The following SERGEF variants were observed in gnomAD, a reference collection of about 807,000 sequenced individuals.
SERGEF encodes the protein secretion-regulating guanine nucleotide exchange factor.
SERGEF carries 51 observed loss-of-function variants against 50.0 expected under a neutral mutation model. The observed-to-expected ratio is 1.02, with a 90% CI of 0.81 to 1.29. SERGEF has a LOEUF of 1.29. Ranked by LOEUF, SERGEF falls within the 50% of genes most tolerant of loss-of-function variation. SERGEF has a pLI of 0.00. For synonymous variants in SERGEF, 205 were observed against 212.4 expected (o/e 0.97, Z 0.30); for missense variants, 521 against 557.0 (o/e 0.94, Z 0.65).
intron 1 of SERGEF, among the ~76,000 whole-genome samples, chr11:18,011,485 C>T (rs1248860675): frequency 6.6e-6 from 1 of 152,162 alleles, no homozygotes. Context: ...CCTACTCACA[C>T]CTTGATCTTG....
chr11:17,992,938 T>G lies in SERGEF; in HGVS notation c.678A>C (p.Ser226=). The G allele has an allele frequency of 6.2e-7, 1 of 1,614,004 alleles. No homozygotes were observed. Among genetic ancestry groups the G allele is most frequent in the Non-Finnish European group, 8.5e-7 (1 of 1,179,842 alleles). ...GAAAGAGCTGGTACCTACCTGTTAA[T>G]GAAGCTGAGTGGTCTGAGCCAGCAA... ...CVLAGSDHSA[S]LTDAGEVYVW... is the part of the protein sequence containing the mutation. The change falls in exon 7 of 11, where the codon TCA becomes TCC. Residue 226 remains serine (S), a synonymous_variant. Coordinates refer to ENST00000265965, the MANE Select transcript of SERGEF (RefSeq NM_012139.4).
At chr11:17,999,341 G>A (rs991388532) in intron 5 of SERGEF, among the ~76,000 whole-genome samples, 4 of 152,216 alleles carry the variant, frequency 2.6e-5, no homozygotes, top group African/African-American at 4.8e-5. Flanking sequence ...ACCATTAGGG[G>A]AAACCGGGAG....
At chr11:17,819,839 T>C (rs1441180818) in intron 10 of SERGEF, among the ~76,000 whole-genome samples, 1 of 152,030 alleles carries the variant, frequency 6.6e-6, no homozygotes, top group Non-Finnish European at 1.5e-5. Context: ...CTTTTGCTTT[T>C]TTGTTGTTGT....
At chr11:17,993,768 G>T (rs542682548) in intron 6 of SERGEF, among the ~76,000 whole-genome samples, 15 of 152,290 alleles carry the variant, frequency 9.8e-5, no homozygotes, top group Admixed American at 2.0e-4. Flanking sequence ...ATGTTCACCA[G>T]AGAGGAAGTA....
At chr11:17,844,219 T>A (rs898270588) in intron 10 of SERGEF, among the ~76,000 whole-genome samples, 14 of 152,344 alleles carry the variant, frequency 9.2e-5, no homozygotes, top group Non-Finnish European at 1.9e-4. Flanking sequence ...AGTCATTTTT[T>A]AAAAATTAGA....
At chr11:17,965,723 A>G (rs1853106857) in intron 8 of SERGEF, among the ~76,000 whole-genome samples, 1 of 152,204 alleles carries the variant, frequency 6.6e-6, no homozygotes, top group African/African-American at 2.4e-5. Context: ...TAGGCACTCA[A>G]TAAATATCTG....
intron 8 of SERGEF, among the ~76,000 whole-genome samples, chr11:17,986,155 A>T (rs1853591411): frequency 6.6e-6 from 1 of 152,084 alleles, no homozygotes; most frequent in Non-Finnish European, 1.5e-5. Context: ...GCTGCTCCTG[A>T]CCCTGTGAGG....
chr11:18,009,527 CAAT>C lies in SERGEF; in HGVS notation c.61-1454_61-1452del, dbSNP rs1854154112. ...CCCACACCCATGATGGGAAAACCAACAATGACTCTGGAATCAAAGCTGGCTAAG... is the reference window on the plus strand; with the variant it reads ...CCCACACCCATGATGGGAAAACCAACGACTCTGGAATCAAAGCTGGCTAAG... On this transcript the variant is annotated intron_variant, in intron 1 of 10. Coordinates refer to ENST00000265965, the MANE Select transcript of SERGEF (RefSeq NM_012139.4). Among the ~76,000 whole-genome samples, 4 of 152,172 alleles carry C rather than the reference CAAT, an allele frequency of 2.6e-5. No individual in the cohort carries two copies. In the South Asian group the frequency reaches 6.2e-4, roughly 24 times the overall value.
chr11:17,864,643 C>A (rs1191833154), intron 10 of SERGEF, among the ~76,000 whole-genome samples: 2 of 152,122 alleles, frequency 1.3e-5, no homozygotes, highest in African/African-American at 4.8e-5. Flanking sequence ...TATATCAGTT[C>A]CAGGGCTGAG....
chr11:17,793,982 G>A (rs918924960), intron 10 of SERGEF, among the ~76,000 whole-genome samples: 1 of 152,210 alleles, frequency 6.6e-6, no homozygotes, highest in African/African-American at 2.4e-5. Context: ...GCACCTGCCC[G>A]AGCTTCTTGG....
At chr11:17,861,856 G>A (rs1032561133) in intron 10 of SERGEF, among the ~76,000 whole-genome samples, 2 of 152,208 alleles carry the variant, frequency 1.3e-5, no homozygotes, top group Admixed American at 6.5e-5. Context: ...ATCTTGTCTC[G>A]CTAAAAAGCA....
intron 9 of SERGEF, among the ~76,000 whole-genome samples, chr11:17,889,632 A>G (rs1851496492): frequency 1.3e-5 from 2 of 152,226 alleles, no homozygotes; most frequent in South Asian, 4.1e-4. Context: ...AAAAATTGTC[A>G]TAAAAGACAT....
intron 10 of SERGEF, among the ~76,000 whole-genome samples, chr11:17,836,475 C>T (rs1265835315): frequency 1.3e-5 from 2 of 152,178 alleles, no homozygotes; most frequent in Non-Finnish European, 2.9e-5. Context: ...GGTTAGTATT[C>T]AATAGAACAG....
At chr11:17,796,950 G>A (rs1201159065) in intron 10 of SERGEF, among the ~76,000 whole-genome samples, 1 of 152,230 alleles carries the variant, frequency 6.6e-6, no homozygotes, top group African/African-American at 2.4e-5. Flanking sequence ...TGAGGTGAGA[G>A]GAGTAGATGG....
intron 9 of SERGEF, among the ~76,000 whole-genome samples, chr11:17,912,577 T>A (rs1367791334): frequency 6.6e-6 from 1 of 152,256 alleles, no homozygotes; most frequent in Non-Finnish European, 1.5e-5. Flanking sequence ...ATCTAATGTA[T>A]GCCAGGCATT....
At chr11:17,887,615 G>A (rs865878434) in intron 9 of SERGEF, among the ~76,000 whole-genome samples, 8 of 152,144 alleles carry the variant, frequency 5.3e-5, no homozygotes, top group Admixed American at 1.3e-4. Context: ...CACTGCTGAC[G>A]GGAGTGTAAA....
intron 10 of SERGEF, among the ~76,000 whole-genome samples, chr11:17,803,225 G>A (rs1028867057): frequency 7.9e-5 from 12 of 152,216 alleles, no homozygotes; most frequent in Admixed American, 3.3e-4. Context: ...ATGGAGGAAG[G>A]GAGTTATCAG....
At chr11:17,936,578 C>A (rs1852456956) in intron 9 of SERGEF, among the ~76,000 whole-genome samples, 1 of 152,040 alleles carries the variant, frequency 6.6e-6, no homozygotes, top group Non-Finnish European at 1.5e-5. Context: ...ATAAAGAAGG[C>A]TGGCCCTTCA....
At chr11:17,881,178 T>C (rs1295689198) in intron 9 of SERGEF, among the ~76,000 whole-genome samples, 1 of 152,230 alleles carries the variant, frequency 6.6e-6, no homozygotes. Flanking sequence ...ATGTTACTTT[T>C]GTTATTGTTT....
Sources: allele counts gnomAD v4.1 joint callset (sites outside exome capture counted in the v4.1 genomes callset), GRCh38; gene constraint gnomAD v4.1.1; transcripts MANE v1.5; gene names NCBI Gene and HGNC (gene_info 2026-07-23, HGNC 2026-07-21).